The following ANAPC7 variants were observed in gnomAD, a reference collection of about 807,000 sequenced individuals.
ANAPC7 encodes anaphase-promoting complex subunit 7.
Under a neutral mutation model 63.3 loss-of-function variants are expected in ANAPC7, and 25 were observed. The ratio of observed to expected loss-of-function variants is 0.39; its 90% CI spans 0.29 to 0.55. The LOEUF (loss-of-function observed/expected upper bound fraction) is 0.55. Among genes scored for constraint, ANAPC7 ranks in the 20% least tolerant of loss-of-function variants. The pLI is 0.57. For missense variants in ANAPC7, 516 were observed against 691.7 expected, an observed-to-expected ratio of 0.75 and a Z score of 2.85; for synonymous variants, 241 against 251.7, an observed-to-expected ratio of 0.96 and a Z score of 0.40.
At chr12:110,394,958 C>T in intron 3 of ANAPC7, 143 bp downstream of exon 3, 1 of 941,626 alleles carries the variant, frequency 1.1e-6, no homozygotes. Context: ...GGTCCCCCAC[C>T]CCCACTCCAT....
At chr12:110,382,051 T>C in intron 7 of ANAPC7, 103 bp from the exon 8 acceptor site, 1 of 1,151,336 alleles carries the variant, frequency 8.7e-7, no homozygotes, top group Non-Finnish European at 1.2e-6. Flanking sequence ...GCCCTGAACA[T>C]AATCCTTATT....
chr12:110,402,180 T>C (rs572651393), intron 1 of ANAPC7, among the ~76,000 whole-genome samples: 3 of 151,148 alleles, frequency 2.0e-5, no homozygotes, highest in Non-Finnish European at 4.4e-5. Context: ...CTCAAAAAAA[T>C]AAAAATAAAT....
chr12:110,386,617 A>T, intron 5 of ANAPC7, 148 bp from the exon 6 acceptor site: 1 of 726,162 alleles, frequency 1.4e-6, no homozygotes. Context: ...TTATGACTTT[A>T]AAAAAAGTTA....
chr12:110,399,811 A>G lies in ANAPC7; in HGVS notation c.102-3359T>C, dbSNP rs999437815. ...GTCTCAGACAAAAAAAAAAAAAAAAAGGGGCCAGGCGCGGTGGCTCACGCC... is the reference window on the plus strand; with the variant it reads ...GTCTCAGACAAAAAAAAAAAAAAAAGGGGGCCAGGCGCGGTGGCTCACGCC... On this transcript the variant is annotated intron_variant, in intron 1 of 10. Transcript: ENST00000455511. Among the ~76,000 whole-genome samples, 277 of 145,848 alleles carry G rather than the reference A, an allele frequency of 1.9e-3. 2 individuals carry two copies. Among genetic ancestry groups the G allele is most frequent in the African/African-American group, 5.6e-3 (221 of 39,518 alleles).
intron 1 of ANAPC7, among the ~76,000 whole-genome samples, chr12:110,402,750 T>G (rs1283136387): frequency 6.6e-6 from 1 of 152,048 alleles, no homozygotes; most frequent in African/African-American, 2.4e-5. Context: ...CGTTTCCTTT[T>G]TTTGAGACAG....
intron 10 of ANAPC7, chr12:110,375,338 G>C (rs963481301): frequency 2.5e-6 from 2 of 815,698 alleles, no homozygotes; most frequent in African/African-American, 3.7e-5. Context: ...ATCTCCAGTT[G>C]TCACTGAGAT....
rs1411753535 is a variant in ANAPC7 at position 110,373,791 on chromosome 12, T to C, written c.*353A>G. On this transcript the variant is annotated 3_prime_UTR_variant, in exon 11 of 11. Coordinates refer to ENST00000455511, the MANE Select transcript of ANAPC7 (RefSeq NM_016238.3). ...TCGTGCTGGGATGGTGGGTAACTCC[T>C]TCAAACCAATCCATGTCACAGAACA... 5.2e-6 allele frequency: 1 copy of C among 192,202 alleles called. No homozygotes were observed. The highest frequency in any genetic ancestry group is 2.3e-5 in the African/African-American group (1 of 43,004). 11.9% of individuals were successfully genotyped at this position (192,202 alleles called of 1,614,324 possible).
intron 1 of ANAPC7, among the ~76,000 whole-genome samples, chr12:110,402,587 G>A (rs1029824858): frequency 5.9e-5 from 9 of 152,206 alleles, no homozygotes; most frequent in African/African-American, 1.7e-4. Context: ...GCCCGCCTCG[G>A]CCTCCCAAAG....
At chr12:110,401,760 C>T (rs28473443) in intron 1 of ANAPC7, among the ~76,000 whole-genome samples, 1 of 151,502 alleles carries the variant, frequency 6.6e-6, no homozygotes, top group Non-Finnish European at 1.5e-5. Flanking sequence ...CCGAGGCGGG[C>T]GGATCACGAG....
At chr12:110,403,120 G>A (rs541910606) in intron 1 of ANAPC7, among the ~76,000 whole-genome samples, 2 of 152,280 alleles carry the variant, frequency 1.3e-5, no homozygotes, top group East Asian at 3.9e-4. Context: ...CAGATGCGGG[G>A]GCTAGCGCAT....
chr12:110,388,364 T>G (rs1882798674), intron 4 of ANAPC7, 148 bp downstream of exon 4: 3 of 635,896 alleles, frequency 4.7e-6, no homozygotes, highest in Middle Eastern at 6.6e-4. Flanking sequence ...ATTTCTTGAT[T>G]GAATATGTGA....
At chr12:110,396,767 G>A (rs932219585) in intron 1 of ANAPC7, among the ~76,000 whole-genome samples, 1 of 151,642 alleles carries the variant, frequency 6.6e-6, no homozygotes, top group African/African-American at 2.4e-5. Flanking sequence ...TACCTGCGTC[G>A]GCCTCCCAAA....
chr12:110,384,397 A>ACAAAAC (rs751990385), intron 6 of ANAPC7, among the ~76,000 whole-genome samples: 16 of 151,896 alleles, frequency 1.1e-4, no homozygotes, highest in South Asian at 1.0e-3. Flanking sequence ...GTCTCTAACA[A>ACAAAAC]CAAAACCAAA....
At chr12:110,383,573 TAA>T (rs1453835390) in intron 6 of ANAPC7, among the ~76,000 whole-genome samples, 1 of 151,920 alleles carries the variant, frequency 6.6e-6, no homozygotes, top group African/African-American at 2.4e-5. Context: ...ACCCTGTCTC[TAA>T]AGAAATTTTA....
Position 110,381,762 on chromosome 12 carries a change from ATCT to A in ANAPC7, c.1119_1121del (p.Leu373_Asp374delinsPhe). 1 of 1,613,370 alleles carries A rather than the reference ATCT, an allele frequency of 6.2e-7. No individual in the cohort carries two copies. The highest frequency in any genetic ancestry group is 8.5e-7 in the Non-Finnish European group (1 of 1,179,978). On this transcript the variant is annotated inframe_deletion, in exon 8 of 11. Coordinates refer to ENST00000455511, the MANE Select transcript of ANAPC7 (RefSeq NM_016238.3). ...TGTTTTCTTTCTTACCTTCATAACA[ATCT>A]AAGCGACAAGGTGCGAGCCGTATGG...
In ANAPC7 at chr12:110,374,138, G is replaced by A. The variant is rs376533103; in HGVS notation, c.*6C>T. 10 of 1,604,238 alleles carry A rather than the reference G, an allele frequency of 6.2e-6. No individual in the cohort carries two copies. Among genetic ancestry groups the A allele is most frequent in the South Asian group, 3.3e-5 (3 of 90,296 alleles). On this transcript the variant is annotated 3_prime_UTR_variant, in exon 11 of 11. Transcript: ENST00000455511. ...AGGCCACTGCGGCCATGGAGCTGCCGCCCCCTCACTGCATGCCGAACCACT... is the reference window on the plus strand; with the variant it reads ...AGGCCACTGCGGCCATGGAGCTGCCACCCCCTCACTGCATGCCGAACCACT...
intron 4 of ANAPC7, 30 bp downstream of exon 4, chr12:110,388,482 G>T: frequency 1.3e-6 from 2 of 1,528,306 alleles, no homozygotes; most frequent in Non-Finnish European, 1.8e-6. Context: ...CAGTAAACAT[G>T]CCATGAAAAC....
intron 5 of ANAPC7, 115 bp downstream of exon 5, chr12:110,387,624 T>A: frequency 8.0e-7 from 1 of 1,249,130 alleles, no homozygotes; most frequent in Non-Finnish European, 1.1e-6. Flanking sequence ...TCCCAGAGAC[T>A]GGCTGCAGCA....
chr12:110,389,103 G>A (rs199561791), intron 3 of ANAPC7, among the ~76,000 whole-genome samples: 15,421 of 124,676 alleles, frequency 0.12, 1,165 homozygotes, highest in African/African-American at 0.23. Context: ...AAAAAAAAAA[G>A]AAAAGAAAAG....
Sources: gnomAD v4.1 joint callset for allele counts (sites outside exome capture counted in the v4.1 genomes callset) on GRCh38, gnomAD v4.1.1 for gene constraint, MANE v1.5 for transcripts, NCBI Gene and HGNC (gene_info 2026-07-23, HGNC 2026-07-21) for gene names.